RYR2: variants seen among roughly 807,000 people sequenced by gnomAD.
The protein encoded by RYR2 is ryanodine receptor 2, also known as cardiac muscle ryanodine receptor-calcium release channel.
Under a neutral mutation model 601.1 loss-of-function variants are expected in RYR2, and 227 were observed. The observed-to-expected ratio is 0.38, with a 90% CI of 0.34 to 0.42. RYR2 has a LOEUF of 0.42. Ranked by LOEUF, RYR2 falls within the 10% of genes least tolerant of loss-of-function variation. The pLI, the probability that RYR2 is intolerant of heterozygous loss-of-function variation, is 1.00. For synonymous variants in RYR2, 2,223 were observed against 2,175.1 expected, an observed-to-expected ratio of 1.02 and a Z score of -0.61; for missense variants, 4,646 against 6,156.5, an observed-to-expected ratio of 0.75 and a Z score of 8.21.
At chr1:237,191,260 C>G (rs897851224) in intron 1 of RYR2, among the ~76,000 whole-genome samples, 1 of 152,120 alleles carries the variant, frequency 6.6e-6, no homozygotes, top group African/African-American at 2.4e-5. Context: ...TATTCTGTTC[C>G]ATCGGCCTAT....
chr1:237,777,594 A>C (rs1694768868), intron 87 of RYR2, among the ~76,000 whole-genome samples: 1 of 152,206 alleles, frequency 6.6e-6, no homozygotes. Context: ...GGGTTTACAA[A>C]ACTGAATGAT....
chr1:237,096,121 G>T (rs1667479951), intron 1 of RYR2, among the ~76,000 whole-genome samples: 1 of 152,166 alleles, frequency 6.6e-6, no homozygotes. Context: ...CACAGTCCTG[G>T]ATTTCTGGGT....
chr1:237,733,881 G>T, intron 79 of RYR2, 125 bp downstream of exon 79: 1 of 701,116 alleles, frequency 1.4e-6, no homozygotes, highest in Non-Finnish European at 2.5e-6. Flanking sequence ...ATGAATCTCC[G>T]TTCTAAATTC....
intron 63 of RYR2, among the ~76,000 whole-genome samples, chr1:237,689,254 CA>C (rs1686723546): frequency 6.6e-6 from 1 of 152,120 alleles, no homozygotes; most frequent in African/African-American, 2.4e-5. Context: ...GGAAACAGAG[CA>C]AAACCCTGTC....
At chr1:237,213,502 T>C (rs951941150) in intron 1 of RYR2, among the ~76,000 whole-genome samples, 1 of 152,154 alleles carries the variant, frequency 6.6e-6, no homozygotes, top group Non-Finnish European at 1.5e-5. Flanking sequence ...ATTTTAGTAG[T>C]GAGGCTGAAC....
Position 237,548,565 on chromosome 1 carries a change from AGGGCT to A in RYR2, c.3044_3048del (p.Gly1015AspfsTer24). Reference sequence around the variant, plus strand: ...GTGTGGGCGCGGGATCGAATCCGGCAGGGCTGGACTTATGGCATCCAACAGGTACA... The same window carrying A: ...GTGTGGGCGCGGGATCGAATCCGGCAGGACTTATGGCATCCAACAGGTACA... On this transcript the variant is annotated frameshift_variant, in exon 26 of 105. Coordinates refer to ENST00000366574, the MANE Select transcript of RYR2 (RefSeq NM_001035.3). LOFTEE classifies it high-confidence loss of function. 1 of 1,613,986 alleles carries A rather than the reference AGGGCT, an allele frequency of 6.2e-7. No individual in the cohort carries two copies. The highest frequency in any genetic ancestry group is 2.2e-5 in the East Asian group (1 of 44,884).
At chr1:237,454,325 T>A in intron 14 of RYR2, 66 bp from the exon 15 acceptor site, 1 of 1,491,588 alleles carries the variant, frequency 6.7e-7, no homozygotes, top group Non-Finnish European at 9.0e-7. Flanking sequence ...TGAAATCATC[T>A]ATAAATGGAA....
chr1:237,557,615 G>C (rs528568505), intron 27 of RYR2, among the ~76,000 whole-genome samples: 1 of 151,896 alleles, frequency 6.6e-6, no homozygotes, highest in African/African-American at 2.4e-5. Flanking sequence ...TAGGAAAAAG[G>C]CTGAATGTAA....
At chr1:237,251,016 A>G (rs1329683932) in intron 1 of RYR2, among the ~76,000 whole-genome samples, 5 of 141,202 alleles carry the variant, frequency 3.5e-5, no homozygotes, top group South Asian at 2.4e-4. Flanking sequence ...CTTTATACCA[A>G]TTCCCCAACA....
At chr1:237,735,763 C>A (rs1691085926) in intron 79 of RYR2, among the ~76,000 whole-genome samples, 1 of 152,116 alleles carries the variant, frequency 6.6e-6, no homozygotes, top group South Asian at 2.1e-4. Flanking sequence ...ACTTATAATA[C>A]CTAATACAAT....
At chr1:237,219,937 C>T (rs1202093279) in intron 1 of RYR2, among the ~76,000 whole-genome samples, 1 of 152,202 alleles carries the variant, frequency 6.6e-6, no homozygotes, top group Non-Finnish European at 1.5e-5. Flanking sequence ...GTGGCAGGCG[C>T]TGTGCCAGGA....
chr1:237,815,752 C>A (rs993310366), intron 100 of RYR2, among the ~76,000 whole-genome samples: 2 of 152,160 alleles, frequency 1.3e-5, no homozygotes, highest in African/African-American at 4.8e-5. Context: ...CATTACATGT[C>A]TAGAAACTAC....
chr1:237,449,709 C>T (rs1350307245), intron 14 of RYR2, among the ~76,000 whole-genome samples: 1 of 151,190 alleles, frequency 6.6e-6, no homozygotes, highest in Non-Finnish European at 1.5e-5. Flanking sequence ...TGTTTTTTGC[C>T]TTCATTTTAA....
rs772385198 is a variant in RYR2 at position 237,631,409 on chromosome 1, G to T, written c.6441-18G>T. ...TGTTGCTCTGAGCTTTACCCCATAC[G>T]TCCATTGTCCTTTCTAGGGATATTA... On this transcript the variant is annotated intron_variant, in intron 41 of 104. Transcript: ENST00000366574. 2.2e-5 allele frequency: 33 copies of T among 1,508,912 alleles called. 1 individual carries two copies. In the Admixed American group the frequency reaches 3.7e-4, roughly 17 times the overall value. 93.5% of individuals were successfully genotyped at this position (1,508,912 alleles called of 1,614,324 possible). A position where few individuals can be genotyped will look rare whatever the true frequency, so the allele number is the denominator to read the frequency against.
At chr1:237,571,505 G>A (rs1448423337) in intron 29 of RYR2, among the ~76,000 whole-genome samples, 1 of 151,908 alleles carries the variant, frequency 6.6e-6, no homozygotes, top group Non-Finnish European at 1.5e-5. Context: ...AGTAGAGACG[G>A]GGTTTTATCA....
At chr1:237,598,811 A>G (rs1676172158) in intron 34 of RYR2, among the ~76,000 whole-genome samples, 1 of 152,210 alleles carries the variant, frequency 6.6e-6, no homozygotes, top group Non-Finnish European at 1.5e-5. Context: ...AATTGGAACA[A>G]TAACGAAACA....
At chr1:237,429,373 T>A (rs1706551513) in intron 12 of RYR2, among the ~76,000 whole-genome samples, 3 of 151,952 alleles carry the variant, frequency 2.0e-5, no homozygotes, top group Non-Finnish European at 4.4e-5. Flanking sequence ...CTGGCCAGGG[T>A]GGGGTGGTTA....
chr1:237,583,188 C>G (rs1308924576), intron 29 of RYR2, among the ~76,000 whole-genome samples: 1 of 151,998 alleles, frequency 6.6e-6, no homozygotes, highest in Admixed American at 6.6e-5. Context: ...GCAATGGGAA[C>G]ATTTTTTCAT....
At chr1:237,241,249 T>C (rs1309957662) in intron 1 of RYR2, among the ~76,000 whole-genome samples, 2 of 152,218 alleles carry the variant, frequency 1.3e-5, no homozygotes, top group African/African-American at 4.8e-5. Flanking sequence ...GTGTCATCCA[T>C]GTATGAAGCA....
Sources: gnomAD v4.1 joint callset for allele counts (sites outside exome capture counted in the v4.1 genomes callset) on GRCh38, gnomAD v4.1.1 for gene constraint, MANE v1.5 for transcripts, NCBI Gene and HGNC (gene_info 2026-07-23, HGNC 2026-07-21) for gene names.